The following FETUB variants were observed in gnomAD, a reference collection of about 807,000 sequenced individuals.
FETUB encodes fetuin B, also known as fetuin-B.
In FETUB, 28 loss-of-function variants were observed where a neutral mutation model predicts 30.9. The observed-to-expected ratio is 0.90, with a 90% CI of 0.67 to 1.24. The LOEUF is 1.24. FETUB is among the 50% of genes most tolerant of loss of function. The pLI, the probability that FETUB is intolerant of heterozygous loss-of-function variation, is 0.00. For synonymous variants in FETUB, 186 were observed against 175.9 expected (o/e 1.06, Z -0.45); for missense variants, 469 against 455.3 (o/e 1.03, Z -0.27).
At chr3:186,640,351 G>T, upstream of FETUB, 1 of 779,996 alleles carries the variant, frequency 1.3e-6, no homozygotes. Context: ...AACTTGGTTA[G>T]CCCTTCCAGT....
At chr3:186,644,402 G>T (rs11711027) in intron 3 of FETUB, among the ~76,000 whole-genome samples, 72 of 152,196 alleles carry the variant, frequency 4.7e-4, no homozygotes, top group Non-Finnish European at 8.1e-4. Context: ...AAGATATTGC[G>T]GTAATGAAAT....
At chr3:186,641,370 G>C (rs554427283) in intron 2 of FETUB, 30 of 426,066 alleles carry the variant, frequency 7.0e-5, no homozygotes, top group African/African-American at 5.4e-4. Context: ...GAATGGAAAA[G>C]TTGCCCCAAG....
chr3:186,640,283 T>C (rs758684609), upstream of FETUB: 26 of 619,104 alleles, frequency 4.2e-5, no homozygotes, highest in Non-Finnish European at 6.9e-5. Flanking sequence ...GTTAGAATCA[T>C]TGGGAAATGC....
intron 4 of FETUB, among the ~76,000 whole-genome samples, chr3:186,645,371 T>G (rs991426090): frequency 6.6e-6 from 1 of 152,158 alleles, no homozygotes; most frequent in Non-Finnish European, 1.5e-5. Context: ...TTTCTCTATT[T>G]CATTCTTTCT....
At position 186,644,804 on chromosome 3, in the gene FETUB, A is replaced by T; in HGVS notation, c.478A>T (p.Thr160Ser). The stretch of plus-strand genomic sequence containing the variant: ...CCCTGACTGCCCAAGCTCCATACCC[A>T]CTGACTCTTCCAATCACCAAGTGCT... ...TCPDCPSSIP[T>S]DSSNHQVLEA... The change falls in exon 4 of 7, where the codon ACT becomes TCT. Residue 160 changes from threonine to serine, a missense_variant. By Grantham distance (58) the Thr-to-Ser change is moderately conservative. Transcript: ENST00000265029. The T allele has an allele frequency of 1.9e-6, 3 of 1,613,900 alleles. No individual in the cohort carries two copies. The highest frequency in any genetic ancestry group is 2.5e-6 in the Non-Finnish European group (3 of 1,179,938).
intron 4 of FETUB, 93 bp from the exon 5 acceptor site, chr3:186,646,155 T>C: frequency 8.6e-6 from 7 of 812,552 alleles, no homozygotes; most frequent in Non-Finnish European, 1.5e-5. Flanking sequence ...TCTGGTGACA[T>C]ATTGTTTCTG....
chr3:186,644,282 G>T (rs187021397), intron 3 of FETUB, among the ~76,000 whole-genome samples: 1 of 152,112 alleles, frequency 6.6e-6, no homozygotes, highest in Admixed American at 6.5e-5. Flanking sequence ...AACGGGGTGC[G>T]CTTCTGCCTT....
chr3:186,638,581 C>G (rs1231006472), upstream of FETUB, among the ~76,000 whole-genome samples: 1 of 152,176 alleles, frequency 6.6e-6, no homozygotes. Context: ...TAGGAGAAGG[C>G]CAGCTCAGGT....
chr3:186,643,859 T>C (rs903307015), intron 3 of FETUB, among the ~76,000 whole-genome samples: 2 of 152,234 alleles, frequency 1.3e-5, no homozygotes, highest in Non-Finnish European at 2.9e-5. Context: ...ACTAGGCTTA[T>C]TGACCTCAGC....
chr3:186,652,204 A>C, intron 6 of FETUB, 59 bp from the exon 7 acceptor site: 1 of 1,512,940 alleles, frequency 6.6e-7, no homozygotes, highest in South Asian at 1.4e-5. Flanking sequence ...TTAGGCTGGT[A>C]CTAGGCATGG....
chr3:186,647,411 T>A (rs1717641260), intron 5 of FETUB, among the ~76,000 whole-genome samples: 1 of 152,214 alleles, frequency 6.6e-6, no homozygotes, highest in South Asian at 2.1e-4. Context: ...CTTTCACTGC[T>A]ATACTGTTTT....
chr3:186,643,832 T>G lies in FETUB; in HGVS notation c.425-919T>G, dbSNP rs1315822567. ...GCAAAAGCAGCTTCAAGATAAATTC[T>G]GTACCTTGACTTTCACACTAGGCTT... is the stretch of plus-strand genomic sequence containing the variant. On this transcript the variant is annotated intron_variant, in intron 3 of 6. Coordinates refer to ENST00000265029, the MANE Select transcript of FETUB (RefSeq NM_014375.3). 2.6e-5 allele frequency among the ~76,000 whole-genome samples: 4 copies of G among 152,236 alleles called. No individual in the cohort carries two copies. The South Asian group carries it at 6.2e-4, about 24-fold the overall frequency.
In FETUB at chr3:186,652,317, C is replaced by T. The variant is rs1718115500; in HGVS notation, c.835C>T (p.Pro279Ser). Residue 279 changes from proline to serine, a missense_variant, in exon 7 of 7, where the codon CCC becomes TCC. Physicochemically the swap from Pro to Ser is moderately conservative, Grantham distance 74. Transcript: ENST00000265029. ...SAVNQKPTNL[P>S]KVEESQQKNT... The stretch of plus-strand genomic sequence containing the variant: ...TGTTAACCAGAAACCTACAAACCTT[C>T]CCAAGGTGGAAGAATCCCAGCAGAA... 2 of 1,600,314 alleles carry T rather than the reference C, an allele frequency of 1.2e-6. No individual in the cohort carries two copies. The highest frequency in any genetic ancestry group is 2.3e-5 in the South Asian group (2 of 88,122).
At position 186,640,701 on chromosome 3, in the gene FETUB, T is replaced by C. The variant is rs760573129; in HGVS notation, c.225+16T>C. The C allele has an allele frequency of 1.6e-5, 26 of 1,603,282 alleles. No individual in the cohort carries two copies. The highest frequency in any genetic ancestry group is 8.9e-5 in the East Asian group (4 of 44,832). On this transcript the variant is annotated intron_variant, in intron 1 of 6. Coordinates refer to ENST00000265029, the MANE Select transcript of FETUB (RefSeq NM_014375.3). Reference sequence around the variant, plus strand: ...ATACAGACGGGCAAGTAGGGACAGTTCCCACTCTGGGGCAGGGATGTGGGC... The same window carrying C: ...ATACAGACGGGCAAGTAGGGACAGTCCCCACTCTGGGGCAGGGATGTGGGC...
intron 5 of FETUB, among the ~76,000 whole-genome samples, chr3:186,649,617 C>A (rs1717831564): frequency 3.9e-5 from 6 of 152,140 alleles, no homozygotes; most frequent in Admixed American, 2.0e-4. Flanking sequence ...ACTACAGGCA[C>A]CTGCCACCTC....
rs1244255030 is a variant in FETUB at position 186,650,094 on chromosome 3, C to T, written c.697-1124C>T. Reference sequence around the variant, plus strand: ...ACACAACATCGGCTTCACATATTTGCTATTATGAATAGTGCTGTGATAAAT... The same window carrying T: ...ACACAACATCGGCTTCACATATTTGTTATTATGAATAGTGCTGTGATAAAT... On this transcript the variant is annotated intron_variant, in intron 5 of 6. Transcript: ENST00000265029. Among the ~76,000 whole-genome samples the T allele has an allele frequency of 3.2e-5, 4 of 125,910 alleles. No homozygotes were observed. In the Admixed American group the frequency reaches 4.5e-4, roughly 14 times the overall value. The allele number at this position is 125,910 out of a possible 152,430, so 82.6% of individuals were successfully genotyped here. A position where few individuals can be genotyped will look rare whatever the true frequency, so the allele number is the denominator to read the frequency against.
chr3:186,648,228 T>C (rs1435485996), intron 5 of FETUB, among the ~76,000 whole-genome samples: 2 of 152,244 alleles, frequency 1.3e-5, no homozygotes, highest in East Asian at 1.9e-4. Context: ...TTTCCAGCAC[T>C]ATTTGTTAAA....
At chr3:186,650,181 G>GT (rs1203128576) in intron 5 of FETUB, among the ~76,000 whole-genome samples, 8 of 81,294 alleles carry the variant, frequency 9.8e-5, no homozygotes, top group African/African-American at 2.7e-4. Context: ...GGGGGGGGGG[G>GT]GTAAATCACC....
chr3:186,646,015 G>A (rs776571157), intron 4 of FETUB, among the ~76,000 whole-genome samples: 4 of 152,160 alleles, frequency 2.6e-5, no homozygotes, highest in Non-Finnish European at 4.4e-5. Flanking sequence ...GTAAGCCACC[G>A]TGCCCAGCCT....
Sources: allele counts gnomAD v4.1 joint callset (sites outside exome capture counted in the v4.1 genomes callset), GRCh38; gene constraint gnomAD v4.1.1; transcripts MANE v1.5; gene names NCBI Gene and HGNC (gene_info 2026-07-23, HGNC 2026-07-21).